Variants in KCNB2 observed in about 807,000 individuals in gnomAD.
KCNB2 encodes potassium voltage-gated channel subfamily B member 2, also known as delayed rectifier potassium channel protein.
Under a neutral mutation model 61.5 loss-of-function variants are expected in KCNB2, and 15 were observed. That is an observed-to-expected ratio of 0.24 (90% confidence interval 0.16 to 0.38). KCNB2 has a LOEUF of 0.38. Among genes scored for constraint, KCNB2 ranks in the 10% least tolerant of loss-of-function variants. The pLI is 1.00. For missense variants in KCNB2, 828 were observed against 1,125.2 expected, an observed-to-expected ratio of 0.74 and a Z score of 3.78; for synonymous variants, 457 against 446.0, an observed-to-expected ratio of 1.02 and a Z score of -0.31.
At chr8:72,680,493 G>T (rs559526754) in intron 2 of KCNB2, among the ~76,000 whole-genome samples, 1 of 152,190 alleles carries the variant, frequency 6.6e-6, no homozygotes, top group African/African-American at 2.4e-5. Context: ...AAGCAGCATC[G>T]TATGGACGTG....
At chr8:72,553,261 A>G (rs148736543) in intron 1 of KCNB2, among the ~76,000 whole-genome samples, 1 of 152,254 alleles carries the variant, frequency 6.6e-6, no homozygotes, top group East Asian at 1.9e-4. Context: ...TTTCACCTAG[A>G]TAACATGGTA....
At chr8:72,612,089 T>C (rs546381453) in intron 2 of KCNB2, among the ~76,000 whole-genome samples, 14 of 152,286 alleles carry the variant, frequency 9.2e-5, no homozygotes, top group South Asian at 8.3e-4. Flanking sequence ...TCTCAAGCAG[T>C]ATATCCCATG....
rs150983896 is a variant in KCNB2 at position 72,919,110 on chromosome 8, A to C, written c.580-16825A>C. Among the ~76,000 whole-genome samples, 73 of 152,382 alleles carry C rather than the reference A, an allele frequency of 4.8e-4. 1 individual carries two copies. The East Asian group carries it at 0.013, about 27-fold the overall frequency. The stretch of plus-strand genomic sequence containing the variant: ...ATTATCATCTCCAAAGGAGATATAC[A>C]TCTGTTTATATATGTAAATGCATGT... On this transcript the variant is annotated intron_variant, in intron 2 of 2. Coordinates refer to ENST00000523207, the MANE Select transcript of KCNB2 (RefSeq NM_004770.3).
At chr8:72,729,757 T>G (rs1424701052) in intron 2 of KCNB2, among the ~76,000 whole-genome samples, 2 of 151,922 alleles carry the variant, frequency 1.3e-5, no homozygotes, top group Non-Finnish European at 2.9e-5. Flanking sequence ...GTGGCACATG[T>G]TTGTAATCCC....
intron 2 of KCNB2, among the ~76,000 whole-genome samples, chr8:72,571,211 C>T (rs79424659): frequency 0.033 from 4,970 of 152,264 alleles, 132 homozygotes; most frequent in Non-Finnish European, 0.055. Context: ...AATAATTGTT[C>T]AGCCCATGCT....
intron 2 of KCNB2, among the ~76,000 whole-genome samples, chr8:72,752,959 C>T (rs143060898): frequency 6.6e-6 from 1 of 152,292 alleles, no homozygotes; most frequent in Non-Finnish European, 1.5e-5. Context: ...TCAGTGCTGA[C>T]ATTTAGATGA....
chr8:72,818,802 T>C (rs1314338906), intron 2 of KCNB2, among the ~76,000 whole-genome samples: 1 of 151,894 alleles, frequency 6.6e-6, no homozygotes, highest in African/African-American at 2.4e-5. Flanking sequence ...CTGACTTCTC[T>C]CTCATTTCTC....
At chr8:72,852,076 ATT>A (rs200050301) in intron 2 of KCNB2, among the ~76,000 whole-genome samples, 1 of 33,494 alleles carries the variant, frequency 3.0e-5, no homozygotes. Flanking sequence ...TTCTAAAAAA[ATT>A]TAAAAAATAA....
intron 2 of KCNB2, among the ~76,000 whole-genome samples, chr8:72,810,235 G>C (rs947719895): frequency 2.6e-5 from 4 of 152,178 alleles, no homozygotes; most frequent in African/African-American, 9.7e-5. Context: ...TGAGAAAACA[G>C]GTGGGACAGA....
intron 2 of KCNB2, among the ~76,000 whole-genome samples, chr8:72,635,760 A>G (rs754889948): frequency 1.3e-5 from 2 of 152,194 alleles, no homozygotes; most frequent in African/African-American, 2.4e-5. Context: ...ATCTCTGTCA[A>G]CAAAGAATTC....
intron 2 of KCNB2, among the ~76,000 whole-genome samples, chr8:72,761,083 G>A (rs972035533): frequency 6.6e-6 from 1 of 152,206 alleles, no homozygotes; most frequent in Non-Finnish European, 1.5e-5. Flanking sequence ...AACAGCAGCA[G>A]CCCAGAGGGT....
intron 2 of KCNB2, among the ~76,000 whole-genome samples, chr8:72,628,460 GGGTAGCT>G (rs1805829580): frequency 6.7e-6 from 1 of 149,796 alleles, no homozygotes; most frequent in Non-Finnish European, 1.5e-5. Flanking sequence ...GCACTTAAAG[GGGTAGCT>G]GATAATTATT....
chr8:72,666,490 C>G (rs777295704), intron 2 of KCNB2, among the ~76,000 whole-genome samples: 62 of 152,034 alleles, frequency 4.1e-4, no homozygotes, highest in Non-Finnish European at 7.9e-4. Flanking sequence ...AATTTTCATA[C>G]CACTATCTTG....
intron 2 of KCNB2, among the ~76,000 whole-genome samples, chr8:72,720,873 C>T (rs770270776): frequency 6.6e-6 from 1 of 152,172 alleles, no homozygotes; most frequent in Non-Finnish European, 1.5e-5. Context: ...CGTTATAACT[C>T]TCATGCTTTT....
At chr8:72,932,029 A>AC (rs34421916) in intron 2 of KCNB2, among the ~76,000 whole-genome samples, 91 of 150,464 alleles carry the variant, frequency 6.0e-4, no homozygotes, top group African/African-American at 2.1e-3. Flanking sequence ...AAACAAACAA[A>AC]AAAAACTCCT....
At chr8:72,607,698 A>G (rs1369410465) in intron 2 of KCNB2, among the ~76,000 whole-genome samples, 7 of 152,196 alleles carry the variant, frequency 4.6e-5, no homozygotes, top group Admixed American at 2.6e-4. Flanking sequence ...TCTAGTCTCT[A>G]AAATTTTATC....
chr8:72,565,577 A>G (rs1256210480), intron 1 of KCNB2, among the ~76,000 whole-genome samples: 1 of 152,122 alleles, frequency 6.6e-6, no homozygotes, highest in Non-Finnish European at 1.5e-5. Context: ...CAGATCAATA[A>G]GAGGGACTAC....
At chr8:72,624,147 ATTAC>A (rs1805753602) in intron 2 of KCNB2, among the ~76,000 whole-genome samples, 1 of 152,188 alleles carries the variant, frequency 6.6e-6, no homozygotes, top group African/African-American at 2.4e-5. Context: ...ATATTAGTAA[ATTAC>A]TTAAACATAA....
At chr8:72,582,336 C>T (rs796426082) in intron 2 of KCNB2, among the ~76,000 whole-genome samples, 17 of 152,294 alleles carry the variant, frequency 1.1e-4, no homozygotes, top group African/African-American at 2.6e-4. Context: ...CCCATTTCTA[C>T]GGGAGATTGG....
Sources: gnomAD v4.1 joint callset for allele counts (sites outside exome capture counted in the v4.1 genomes callset) on GRCh38, gnomAD v4.1.1 for gene constraint, MANE v1.5 for transcripts, NCBI Gene and HGNC (gene_info 2026-07-23, HGNC 2026-07-21) for gene names.